Variants in TNIP3 observed in about 807,000 individuals in gnomAD.
TNIP3 encodes TNFAIP3 interacting protein 3, also known as TNFAIP3-interacting protein 3.
Under a neutral mutation model 54.1 loss-of-function variants are expected in TNIP3, and 34 were observed. The ratio of observed to expected loss-of-function variants is 0.63; its 90% CI spans 0.48 to 0.84. The LOEUF is 0.84. Ranked by LOEUF, TNIP3 falls within the 40% of genes least tolerant of loss-of-function variation. The pLI, the probability that TNIP3 is intolerant of heterozygous loss-of-function variation, is 0.00. For synonymous variants in TNIP3, 134 were observed against 136.8 expected (o/e 0.98, Z 0.14); for missense variants, 366 against 387.6 (o/e 0.94, Z 0.47).
upstream of TNIP3, among the ~76,000 whole-genome samples, chr4:121,217,934 A>G (rs1373145393): frequency 6.6e-6 from 1 of 152,194 alleles, no homozygotes; most frequent in Non-Finnish European, 1.5e-5. Flanking sequence ...TTATAATGCC[A>G]TCATTTTACA....
intron 2 of TNIP3, among the ~76,000 whole-genome samples, chr4:121,211,269 C>T (rs1039983012): frequency 6.6e-6 from 1 of 152,004 alleles, no homozygotes; most frequent in Non-Finnish European, 1.5e-5. Context: ...AGTCTTATGT[C>T]AATATAAATA....
At chr4:121,162,553 T>A (rs1371720119) in intron 1 of TNIP3, among the ~76,000 whole-genome samples, 1 of 152,122 alleles carries the variant, frequency 6.6e-6, no homozygotes, top group Non-Finnish European at 1.5e-5. Flanking sequence ...CCATTCTGGG[T>A]TAGAACAGAC....
upstream of TNIP3, among the ~76,000 whole-genome samples, chr4:121,169,119 C>T (rs1421494863): frequency 1.3e-4 from 20 of 152,102 alleles, 1 homozygote; most frequent in South Asian, 2.1e-4. Flanking sequence ...TGCTCAGAAC[C>T]TTTCAGTGGC....
chr4:121,203,454 T>C (rs1344997601), intron 2 of TNIP3, among the ~76,000 whole-genome samples: 2 of 152,040 alleles, frequency 1.3e-5, no homozygotes, highest in East Asian at 3.8e-4. Flanking sequence ...ACAATGGACT[T>C]TGGGGACTCA....
At chr4:121,226,778 G>A (rs903756774) in intron 1 of TNIP3, among the ~76,000 whole-genome samples, 51 of 152,090 alleles carry the variant, frequency 3.4e-4, no homozygotes, top group Admixed American at 3.0e-3. Flanking sequence ...ATCTCGTTTG[G>A]GAAATTTGAC....
chr4:121,193,509 A>G (rs1356615138), intron 2 of TNIP3, among the ~76,000 whole-genome samples: 1 of 152,222 alleles, frequency 6.6e-6, no homozygotes, highest in East Asian at 1.9e-4. Context: ...ATGCCTACTG[A>G]TAAGTGTAGA....
chr4:121,171,303 G>A (rs1731051532), intron 3 of TNIP3, among the ~76,000 whole-genome samples: 2 of 152,096 alleles, frequency 1.3e-5, no homozygotes, highest in Non-Finnish European at 2.9e-5. Context: ...AATTTATTTT[G>A]TGCAATTTAT....
rs771785647 is a variant in TNIP3, at chr4:121,164,082, T to C, written c.44A>G (p.Glu15Gly). ...TACCTCTTTATGCTCCGTAGAACTT[T>C]CTGCGGCAATCATTCTAGATGTGCC... ...VQGTSRMIAA[E>G]SSTEHKECAE... is the part of the protein sequence containing the mutation. Residue 15 changes from glutamate to glycine, a missense_variant, in exon 1 of 11, where the codon GAA becomes GGA. Transcript: ENST00000057513. 8.7e-6 allele frequency: 14 copies of C among 1,613,782 alleles called. No individual in the cohort carries two copies. The East Asian group carries it at 2.9e-4, about 33-fold the overall frequency.
chr4:121,226,920 A>G (rs1579521613), intron 1 of TNIP3, among the ~76,000 whole-genome samples: 1 of 132,150 alleles, frequency 7.6e-6, no homozygotes, highest in Non-Finnish European at 1.7e-5. Flanking sequence ...AGAGGAACAC[A>G]CTAAATGGAT....
At chr4:121,209,316 T>C (rs1027539753) in intron 2 of TNIP3, among the ~76,000 whole-genome samples, 2 of 152,226 alleles carry the variant, frequency 1.3e-5, no homozygotes, top group African/African-American at 2.4e-5. Flanking sequence ...TCTGAATTTG[T>C]AGCATGTTGG....
chr4:121,170,483 C>A (rs779061016), intron 3 of TNIP3, among the ~76,000 whole-genome samples: 52 of 152,098 alleles, frequency 3.4e-4, no homozygotes, highest in African/African-American at 1.2e-3. Context: ...GGCCTGTTTC[C>A]GTGTATTTTC....
At chr4:121,150,567 A>G (rs1363778754) in intron 5 of TNIP3, among the ~76,000 whole-genome samples, 1 of 152,166 alleles carries the variant, frequency 6.6e-6, no homozygotes, top group African/African-American at 2.4e-5. Context: ...CCTTTCAATG[A>G]TGCTTAGCCT....
At chr4:121,218,962 G>A (rs534720887), upstream of TNIP3, among the ~76,000 whole-genome samples, 1 of 152,318 alleles carries the variant, frequency 6.6e-6, no homozygotes, top group Admixed American at 6.5e-5. Context: ...AACTTTGGGA[G>A]GCCGAGGCAG....
At chr4:121,187,828 C>A (rs1397154032) in intron 2 of TNIP3, among the ~76,000 whole-genome samples, 6 of 152,138 alleles carry the variant, frequency 3.9e-5, no homozygotes, top group African/African-American at 1.4e-4. Flanking sequence ...GATAGGGTCT[C>A]TAACAAGTTC....
upstream of TNIP3, among the ~76,000 whole-genome samples, chr4:121,218,038 A>C (rs1278081861): frequency 1.3e-5 from 2 of 152,192 alleles, no homozygotes; most frequent in Non-Finnish European, 2.9e-5. Context: ...CCTAGTCATG[A>C]TCTTCCATTG....
chr4:121,191,599 T>C (rs1477435131), intron 2 of TNIP3, among the ~76,000 whole-genome samples: 1 of 152,232 alleles, frequency 6.6e-6, no homozygotes, highest in African/African-American at 2.4e-5. Flanking sequence ...CTTATCAAAA[T>C]GTTTCTCTCA....
At chr4:121,138,925 T>C (rs75434033) in intron 9 of TNIP3, among the ~76,000 whole-genome samples, 2,943 of 152,286 alleles carry the variant, frequency 0.019, 68 homozygotes, top group Admixed American at 0.029. Flanking sequence ...GGTTGTGACA[T>C]ATTTTCTTTC....
Position 121,138,658 on chromosome 4 carries a change from G to T in TNIP3, c.912C>A (p.Asp304Glu), listed in dbSNP as rs866438596. The T allele has an allele frequency of 1.9e-6, 3 of 1,613,998 alleles. No homozygotes were observed. Among genetic ancestry groups the T allele is most frequent in the Non-Finnish European group, 2.5e-6 (3 of 1,179,894 alleles). Residue 304 changes from aspartate to glutamate, a missense_variant, in exon 10 of 11, where the codon GAC (aspartate) becomes GAA (glutamate). Coordinates refer to ENST00000057513, the MANE Select transcript of TNIP3 (RefSeq NM_024873.6). Reference sequence around the variant, plus strand: ...TGTGTTGTACATCTGGCGGAAGCTGGTCAAGAGCATACCACTGATAGTCTG... The same window carrying T: ...TGTGTTGTACATCTGGCGGAAGCTGTTCAAGAGCATACCACTGATAGTCTG... The part of the protein sequence containing the change: ...HPPDYQWYAL[D>E]QLPPDVQHKA...
Position 121,147,187 on chromosome 4 carries a change from A to C in TNIP3, c.610-13T>G. ...CGTATATTTGCACCTAAGAAATATTAGCTTGCTGTTACTGTAAGCTTCCTT... is the reference window on the plus strand; with the variant it reads ...CGTATATTTGCACCTAAGAAATATTCGCTTGCTGTTACTGTAAGCTTCCTT... On this transcript the variant is annotated splice_polypyrimidine_tract_variant and intron_variant, in intron 6 of 10. Transcript: ENST00000057513. 5.6e-6 allele frequency: 9 copies of C among 1,601,372 alleles called. No individual in the cohort carries two copies. The highest frequency in any genetic ancestry group is 7.7e-6 in the Non-Finnish European group (9 of 1,175,818).
Sources: gnomAD v4.1 joint callset for allele counts (sites outside exome capture counted in the v4.1 genomes callset) on GRCh38, gnomAD v4.1.1 for gene constraint, MANE v1.5 for transcripts, NCBI Gene and HGNC (gene_info 2026-07-23, HGNC 2026-07-21) for gene names.